The following MROH9 variants were observed in gnomAD, a reference collection of about 807,000 sequenced individuals.
MROH9 encodes maestro heat like repeat family member 9.
Under a neutral mutation model 98.2 loss-of-function variants are expected in MROH9, and 92 were observed. The ratio of observed to expected loss-of-function variants is 0.94; its 90% CI spans 0.79 to 1.11. MROH9 has a LOEUF of 1.11. MROH9 is among the 50% of genes most tolerant of loss of function. MROH9 has a pLI of 0.00. For synonymous variants in MROH9, 397 were observed against 368.9 expected, an observed-to-expected ratio of 1.08 and a Z score of -0.87; for missense variants, 1,057 against 1,014.8, an observed-to-expected ratio of 1.04 and a Z score of -0.57.
intron 15 of MROH9, among the ~76,000 whole-genome samples, chr1:171,007,226 C>T (rs372376599): frequency 6.6e-5 from 10 of 152,152 alleles, no homozygotes; most frequent in African/African-American, 2.4e-4. Context: ...GTTGGCTGGT[C>T]TGTTACCACA....
In MROH9 at chr1:170,971,603, G is replaced by A. The variant is rs146583948; in HGVS notation, c.481-145G>A. 3.1e-3 allele frequency: 2,814 copies of A among 906,034 alleles called. 14 individuals are homozygous for A. Among genetic ancestry groups the A allele is most frequent in the Non-Finnish European group, 3.4e-3 (2,036 of 592,644 alleles). 56.1% of individuals were successfully genotyped at this position (906,034 alleles called of 1,614,324 possible). On this transcript the variant is annotated intron_variant, in intron 7 of 21. Coordinates refer to ENST00000367759, the MANE Select transcript of MROH9 (RefSeq NM_001163629.2). ...GATGAGGAAATTGAGAGTCAGTAAC[G>A]GGGCCAGGATTTGATTACAGATATT... is the stretch of plus-strand genomic sequence containing the variant.
intron 3 of MROH9, among the ~76,000 whole-genome samples, chr1:170,949,982 C>A (rs1649483796): frequency 2.0e-5 from 3 of 152,020 alleles, no homozygotes; most frequent in Non-Finnish European, 4.4e-5. Flanking sequence ...GTACCCATAA[C>A]ATGTTAGGCA....
intron 20 of MROH9, among the ~76,000 whole-genome samples, chr1:171,037,061 A>G (rs1308245752): frequency 6.6e-6 from 1 of 151,896 alleles, no homozygotes; most frequent in African/African-American, 2.4e-5. Context: ...TTTTAAGTCC[A>G]TAGGTAGGAT....
chr1:171,003,384 A>G (rs1368886936), intron 15 of MROH9, among the ~76,000 whole-genome samples: 2 of 152,048 alleles, frequency 1.3e-5, no homozygotes, highest in Non-Finnish European at 2.9e-5. Flanking sequence ...TGTCAGAGGG[A>G]AGGTCTAGGG....
In MROH9 at chr1:170,959,211, T is replaced by C. The variant is rs11486181; in HGVS notation, c.153-251T>C. Among the ~76,000 whole-genome samples, 991 of 151,994 alleles carry C rather than the reference T, an allele frequency of 6.5e-3. 7 individuals are homozygous for C. The highest frequency in any genetic ancestry group is 0.023 in the African/African-American group (947 of 41,468). On this transcript the variant is annotated intron_variant, in intron 4 of 21. Transcript: ENST00000367759. ...TAACATGGTGAAACCCCGTCTCTAC[T>C]GAAAATACAAAAAATTAGCCAGGCG...
At chr1:170,983,365 C>T in intron 8 of MROH9, 57 bp from the exon 9 acceptor site, 1 of 1,254,116 alleles carries the variant, frequency 8.0e-7, no homozygotes, top group East Asian at 2.4e-5. Context: ...ATAGTAATGT[C>T]ATAGAACAAA....
chr1:171,029,757 CT>C (rs1652845496), intron 20 of MROH9, among the ~76,000 whole-genome samples: 1 of 152,004 alleles, frequency 6.6e-6, no homozygotes, highest in African/African-American at 2.4e-5. Context: ...TGGAGTTTTC[CT>C]TTTTTATTGT....
At chr1:170,965,895 A>G (rs1022359151) in intron 7 of MROH9, among the ~76,000 whole-genome samples, 1 of 152,242 alleles carries the variant, frequency 6.6e-6, no homozygotes, top group South Asian at 2.1e-4. Flanking sequence ...CATCCTATAG[A>G]CATTTTCATG....
intron 1 of MROH9, among the ~76,000 whole-genome samples, chr1:170,939,256 A>G (rs1649020026): frequency 6.6e-6 from 1 of 152,248 alleles, no homozygotes; most frequent in South Asian, 2.1e-4. Context: ...CCCATGAATC[A>G]GTATATAATC....
chr1:170,977,914 T>A (rs1446441782), intron 8 of MROH9, among the ~76,000 whole-genome samples: 1 of 152,130 alleles, frequency 6.6e-6, no homozygotes, highest in African/African-American at 2.4e-5. Context: ...GTTCCCTGCC[T>A]GGTGATGAGC....
At chr1:170,949,425 A>G (rs956172244) in intron 3 of MROH9, among the ~76,000 whole-genome samples, 4 of 152,066 alleles carry the variant, frequency 2.6e-5, no homozygotes, top group African/African-American at 9.7e-5. Context: ...CTTAGTCATA[A>G]AAGTTCCTTT....
chr1:170,957,773 G>A (rs1030544544), intron 3 of MROH9, among the ~76,000 whole-genome samples: 5 of 150,300 alleles, frequency 3.3e-5, no homozygotes, highest in African/African-American at 1.2e-4. Flanking sequence ...CCTGACTTAA[G>A]TTGCCCTGCT....
chr1:171,055,631 A>C (rs1007482486), intron 20 of MROH9, among the ~76,000 whole-genome samples: 2 of 151,618 alleles, frequency 1.3e-5, no homozygotes, highest in Non-Finnish European at 2.9e-5. Flanking sequence ...AAAAAAAAAA[A>C]AAAAAAAAAA....
intron 3 of MROH9, among the ~76,000 whole-genome samples, 167 bp downstream of exon 3, chr1:170,947,740 T>C (rs115135516): frequency 2.2e-3 from 335 of 152,126 alleles, no homozygotes; most frequent in African/African-American, 7.8e-3. Flanking sequence ...TACCTGTATG[T>C]CCCTGCAGCG....
chr1:170,991,637 G>A (rs1651358479), intron 11 of MROH9, among the ~76,000 whole-genome samples: 1 of 152,118 alleles, frequency 6.6e-6, no homozygotes, highest in Non-Finnish European at 1.5e-5. Flanking sequence ...GATTTTAATA[G>A]CATCTGTGTC....
At chr1:171,013,885 AC>A (rs1652241648) in intron 15 of MROH9, among the ~76,000 whole-genome samples, 1 of 125,694 alleles carries the variant, frequency 8.0e-6, no homozygotes, top group African/African-American at 4.3e-5. Context: ...ACACACACAC[AC>A]ACACACACAC....
intron 1 of MROH9, among the ~76,000 whole-genome samples, chr1:170,941,067 T>C (rs1649101415): frequency 6.6e-6 from 1 of 152,202 alleles, no homozygotes; most frequent in Non-Finnish European, 1.5e-5. Flanking sequence ...TAGAAGGACC[T>C]GAGCTACACT....
At chr1:170,960,462 C>G (rs559079570) in intron 5 of MROH9, among the ~76,000 whole-genome samples, 6 of 152,164 alleles carry the variant, frequency 3.9e-5, no homozygotes, top group African/African-American at 1.4e-4. Flanking sequence ...ATCCAAATGC[C>G]CCATGTTTAT....
intron 15 of MROH9, among the ~76,000 whole-genome samples, chr1:171,007,704 C>G (rs1255995880): frequency 6.6e-6 from 1 of 152,164 alleles, no homozygotes; most frequent in Non-Finnish European, 1.5e-5. Context: ...GGCAGGAAGG[C>G]TCTCAGGCCA....
Sources: gnomAD v4.1 joint callset for allele counts (sites outside exome capture counted in the v4.1 genomes callset) on GRCh38, gnomAD v4.1.1 for gene constraint, MANE v1.5 for transcripts, NCBI Gene and HGNC (gene_info 2026-07-23, HGNC 2026-07-21) for gene names.